Variants in TNNI3K observed in about 807,000 individuals in gnomAD.
TNNI3K encodes TNNI3 interacting kinase.
TNNI3K carries 140 observed loss-of-function variants against 114.5 expected under a neutral mutation model. That is an observed-to-expected ratio of 1.22 (90% CI 1.07 to 1.41). The LOEUF (loss-of-function observed/expected upper bound fraction) is 1.41, where lower values mean the gene tolerates loss of function less well. TNNI3K is among the 40% of genes most tolerant of loss of function. The probability of loss-of-function intolerance (pLI) is 0.00; values close to 1 mark genes in which losing one functional copy is unlikely to be tolerated. For missense variants in TNNI3K, 1,125 were observed against 1,007.6 expected (o/e 1.12, Z -1.58); for synonymous variants, 347 against 347.5 (o/e 1.00, Z 0.02).
intron 17 of TNNI3K, among the ~76,000 whole-genome samples, chr1:74,430,792 A>C (rs577326887): frequency 1.3e-5 from 2 of 152,280 alleles, no homozygotes; most frequent in Admixed American, 6.5e-5. Flanking sequence ...CAGTGCAGTC[A>C]GGGGAACAAA....
chr1:74,314,079 ATG>A (rs1387921842), intron 5 of TNNI3K, among the ~76,000 whole-genome samples: 285 of 1,770 alleles, frequency 0.16, no homozygotes, highest in African/African-American at 0.22. Context: ...ATATATATAT[ATG>A]TATATATATG....
intron 23 of TNNI3K, among the ~76,000 whole-genome samples, chr1:74,539,759 C>A (rs911305670): frequency 4.0e-5 from 6 of 150,828 alleles, no homozygotes; most frequent in African/African-American, 1.5e-4. Flanking sequence ...ATATGTAAAG[C>A]GATATATATA....
intron 4 of TNNI3K, among the ~76,000 whole-genome samples, chr1:74,257,804 G>T (rs1320701873): frequency 6.6e-6 from 1 of 151,458 alleles, no homozygotes; most frequent in Non-Finnish European, 1.5e-5. Context: ...AGTAGCTGGG[G>T]CTACAGGCGC....
At chr1:74,422,568 C>T (rs977239031) in intron 17 of TNNI3K, among the ~76,000 whole-genome samples, 1 of 152,054 alleles carries the variant, frequency 6.6e-6, no homozygotes, top group African/African-American at 2.4e-5. Context: ...TTCCACATTC[C>T]ACAAGAGCTC....
At chr1:74,250,437 TA>T (rs1002908661) in intron 3 of TNNI3K, among the ~76,000 whole-genome samples, 8 of 152,092 alleles carry the variant, frequency 5.3e-5, no homozygotes, top group Non-Finnish European at 1.2e-4. Context: ...GGGTACTAAA[TA>T]AAAAATCTAA....
At chr1:74,439,349 A>G (rs894514120) in intron 19 of TNNI3K, 141 bp from the exon 20 acceptor site, 97 of 1,325,136 alleles carry the variant, frequency 7.3e-5, no homozygotes, top group Admixed American at 7.2e-4. Context: ...ACTGAGGGCA[A>G]TATGTATGGA....
intron 17 of TNNI3K, among the ~76,000 whole-genome samples, chr1:74,395,499 T>G (rs1411626720): frequency 3.3e-5 from 5 of 152,186 alleles, no homozygotes; most frequent in Non-Finnish European, 5.9e-5. Context: ...GGAGAAAAGC[T>G]GGCACCCCAG....
intron 10 of TNNI3K, 76 bp downstream of exon 10, chr1:74,353,436 G>T: frequency 6.5e-7 from 1 of 1,528,908 alleles, no homozygotes. Flanking sequence ...AAAGGGATGT[G>T]GGGGCATTGG....
At chr1:74,376,828 A>AT (rs886791132) in intron 17 of TNNI3K, 4 of 151,964 alleles carry the variant, frequency 2.6e-5, no homozygotes, top group South Asian at 2.1e-4. Flanking sequence ...ATTAAAAAAA[A>AT]AAATAAAAGA....
At chr1:74,490,071 A>C (rs1022133792) in intron 22 of TNNI3K, among the ~76,000 whole-genome samples, 1 of 151,160 alleles carries the variant, frequency 6.6e-6, no homozygotes, top group Admixed American at 6.6e-5. Context: ...AAAAAAAAAA[A>C]AAAAACTCAA....
chr1:74,369,084 G>A lies in TNNI3K; in HGVS notation c.1384G>A (p.Glu462Lys), dbSNP rs1224193012. 6.2e-7 allele frequency: 1 copy of A among 1,610,552 alleles called. No homozygotes were observed. Among genetic ancestry groups the A allele is most frequent in the Admixed American group, 1.7e-5 (1 of 59,622 alleles). Residue 462 changes from glutamate (E) to lysine (K), a missense_variant, in exon 14 of 25, where the codon GAA becomes AAA. Transcript: ENST00000326637. ...TTCACATTTCCATCTTCAGCTCTCAGAAATTGAGTTCCATGAGATTATTGG... is the reference window on the plus strand; with the variant it reads ...TTCACATTTCCATCTTCAGCTCTCAAAAATTGAGTTCCATGAGATTATTGG... ...LPSHFHLQLS[E>K]IEFHEIIGSG...
chr1:74,391,298 C>G (rs1334232540), intron 17 of TNNI3K, among the ~76,000 whole-genome samples: 1 of 152,008 alleles, frequency 6.6e-6, no homozygotes, highest in Non-Finnish European at 1.5e-5. Flanking sequence ...AAAATGAAAG[C>G]TGAGAGAGCA....
intron 19 of TNNI3K, among the ~76,000 whole-genome samples, chr1:74,437,401 A>G (rs1666184763): frequency 1.3e-5 from 2 of 152,134 alleles, no homozygotes; most frequent in Non-Finnish European, 2.9e-5. Flanking sequence ...GGACAAATTA[A>G]CAAAATATAT....
At chr1:74,432,573 A>G (rs775935682) in intron 17 of TNNI3K, among the ~76,000 whole-genome samples, 3 of 152,062 alleles carry the variant, frequency 2.0e-5, no homozygotes, top group Non-Finnish European at 4.4e-5. Context: ...ACATTTCTTT[A>G]AAGAGCCTAT....
At chr1:74,529,920 G>T (rs1039259759) in intron 23 of TNNI3K, among the ~76,000 whole-genome samples, 1 of 152,114 alleles carries the variant, frequency 6.6e-6, no homozygotes, top group Non-Finnish European at 1.5e-5. Context: ...TGTCCTTAGA[G>T]CATGTCCTTT....
chr1:74,541,914 T>G (rs1026301463), intron 24 of TNNI3K, among the ~76,000 whole-genome samples: 8 of 152,228 alleles, frequency 5.3e-5, no homozygotes, highest in Admixed American at 4.6e-4. Context: ...TTTATGAGCT[T>G]CTTCTCCCCC....
intron 17 of TNNI3K, chr1:74,416,336 G>A (rs1309842577): frequency 2.0e-6 from 2 of 985,250 alleles, no homozygotes; most frequent in Middle Eastern, 5.2e-4. Flanking sequence ...TTAGTGACGG[G>A]CTACACTAAT....
chr1:74,328,456 C>T (rs1341577722), intron 5 of TNNI3K, among the ~76,000 whole-genome samples: 1 of 152,076 alleles, frequency 6.6e-6, no homozygotes, highest in Non-Finnish European at 1.5e-5. Context: ...GGGAGATACT[C>T]TCCCCATCAT....
intron 21 of TNNI3K, among the ~76,000 whole-genome samples, chr1:74,485,496 G>A (rs1044851530): frequency 6.6e-6 from 1 of 152,156 alleles, no homozygotes; most frequent in African/African-American, 2.4e-5. Context: ...GTGATAAGCA[G>A]GATTCTAACA....
Sources: allele counts gnomAD v4.1 joint callset (sites outside exome capture counted in the v4.1 genomes callset), GRCh38; gene constraint gnomAD v4.1.1; transcripts MANE v1.5; gene names NCBI Gene and HGNC (gene_info 2026-07-23, HGNC 2026-07-21).